PRKCI: variants seen among roughly 807,000 people sequenced by gnomAD.
PRKCI encodes the protein protein kinase C iota type.
Under a neutral mutation model 84.0 loss-of-function variants are expected in PRKCI, and 43 were observed. The ratio of observed to expected loss-of-function variants is 0.51; its 90% confidence interval spans 0.40 to 0.66. The LOEUF is 0.66. Among genes scored for constraint, PRKCI ranks in the 30% least tolerant of loss-of-function variants. The pLI is 0.00. For missense variants in PRKCI, 459 were observed against 745.6 expected (o/e 0.62, Z 4.48); for synonymous variants, 216 against 234.4 (o/e 0.92, Z 0.72).
chr3:170,255,119 G>T (rs1204133819), intron 2 of PRKCI, among the ~76,000 whole-genome samples: 2 of 144,282 alleles, frequency 1.4e-5, no homozygotes, highest in African/African-American at 5.2e-5. Context: ...GGAGTGCAAT[G>T]GCACGATCTC....
intron 7 of PRKCI, among the ~76,000 whole-genome samples, chr3:170,275,002 T>A (rs1023144709): frequency 1.3e-5 from 2 of 152,192 alleles, no homozygotes; most frequent in African/African-American, 4.8e-5. Context: ...GTTGTGATGC[T>A]TGCTCTCTTT....
chr3:170,305,851 A>C lies in PRKCI; in HGVS notation c.*2724A>C, dbSNP rs1486435725. On this transcript the variant is annotated 3_prime_UTR_variant, in exon 18 of 18. Coordinates refer to ENST00000295797, the MANE Select transcript of PRKCI (RefSeq NM_002740.6). ...GTAAATGCTTGTTCAGTGCCGGTAC[A>C]TTTACTTAAATCTGTTTTTATTTTT... 1 of 150,970 alleles carries C rather than the reference A, an allele frequency of 6.6e-6. No homozygotes were observed. The highest frequency in any genetic ancestry group is 6.6e-5 in the Admixed American group (1 of 15,182). 9.4% of individuals were successfully genotyped at this position (150,970 alleles called of 1,614,324 possible). A position where few individuals can be genotyped will look rare whatever the true frequency, so the allele number is the denominator to read the frequency against.
At chr3:170,267,803 G>A (rs983322959) in intron 4 of PRKCI, 112 bp from the exon 5 acceptor site, 16 of 655,676 alleles carry the variant, frequency 2.4e-5, no homozygotes, top group Non-Finnish European at 3.6e-5. Flanking sequence ...GTTTTTATCA[G>A]TATTTTTTTT....
chr3:170,269,367 A>G (rs1014014977), intron 5 of PRKCI, among the ~76,000 whole-genome samples: 3 of 152,194 alleles, frequency 2.0e-5, no homozygotes, highest in African/African-American at 4.8e-5. Context: ...ACTGACATTT[A>G]AGAAGGCTTT....
chr3:170,271,210 A>G lies in PRKCI; in HGVS notation c.591+649A>G, dbSNP rs1312571486. 8.5e-5 allele frequency among the ~76,000 whole-genome samples: 13 copies of G among 152,294 alleles called. No individual in the cohort carries two copies. In the East Asian group the frequency reaches 2.5e-3, roughly 29 times the overall value. ...CCATATGGAAAAAATGTAAACATGT[A>G]TAAGAGTAGGTGGAACACTATAATG... On this transcript the variant is annotated intron_variant, in intron 6 of 17. Transcript: ENST00000295797.
At chr3:170,244,731 C>A (rs774207870) in intron 2 of PRKCI, 5 of 152,058 alleles carry the variant, frequency 3.3e-5, no homozygotes, top group African/African-American at 1.2e-4. Context: ...ATTACTCACC[C>A]CCCAATGGGG....
chr3:170,226,491 C>T (rs758759962), intron 1 of PRKCI, among the ~76,000 whole-genome samples: 2 of 152,184 alleles, frequency 1.3e-5, no homozygotes, highest in Non-Finnish European at 2.9e-5. Context: ...AACATCTGGA[C>T]TGCTCATTTC....
intron 1 of PRKCI, among the ~76,000 whole-genome samples, chr3:170,230,081 A>C (rs1732745482): frequency 6.6e-6 from 1 of 151,212 alleles, no homozygotes; most frequent in Non-Finnish European, 1.5e-5. Context: ...CTTTTTAAAA[A>C]TTTCCTTGAT....
chr3:170,281,064 C>G (rs554234345), intron 9 of PRKCI, 102 bp from the exon 10 acceptor site: 2 of 845,736 alleles, frequency 2.4e-6, no homozygotes, highest in East Asian at 5.1e-5. Flanking sequence ...TGATATTTAG[C>G]CTAGTTAACC....
chr3:170,252,843 G>C (rs1733489027), intron 2 of PRKCI, among the ~76,000 whole-genome samples: 1 of 151,974 alleles, frequency 6.6e-6, no homozygotes, highest in African/African-American at 2.4e-5. Flanking sequence ...CTCATTCTGT[G>C]TGAGTATAGT....
At chr3:170,282,561 G>C (rs1734273837) in intron 11 of PRKCI, among the ~76,000 whole-genome samples, 1 of 151,812 alleles carries the variant, frequency 6.6e-6, no homozygotes, top group Admixed American at 6.6e-5. Context: ...GCTGGTCGTG[G>C]TGGCGGGTGC....
At chr3:170,242,817 C>T (rs1430445251) in intron 2 of PRKCI, among the ~76,000 whole-genome samples, 5 of 151,762 alleles carry the variant, frequency 3.3e-5, no homozygotes, top group African/African-American at 9.7e-5. Flanking sequence ...ATTACAGACA[C>T]CTGCCACCAT....
At chr3:170,263,468 C>T (rs1219520491) in intron 4 of PRKCI, 39 bp downstream of exon 4, 1 of 1,495,712 alleles carries the variant, frequency 6.7e-7, no homozygotes. Flanking sequence ...ACAAGAGTTA[C>T]TATGCTATGG....
intron 4 of PRKCI, among the ~76,000 whole-genome samples, chr3:170,264,083 T>A (rs941736780): frequency 3.9e-5 from 6 of 152,196 alleles, no homozygotes; most frequent in Non-Finnish European, 5.9e-5. Context: ...ATTTACCAAT[T>A]TTTAACGTTT....
Position 170,303,371 on chromosome 3 carries a change from G to GGCCTAC in PRKCI, c.*245_*250dup, listed in dbSNP as rs1468032767. 1 of 335,458 alleles carries GGCCTAC rather than the reference G, an allele frequency of 3.0e-6. No individual in the cohort carries two copies. Among genetic ancestry groups the GGCCTAC allele is most frequent in the Non-Finnish European group, 5.3e-6 (1 of 187,634 alleles). 20.8% of individuals were successfully genotyped at this position (335,458 alleles called of 1,614,324 possible). A position where few individuals can be genotyped will look rare whatever the true frequency, so the allele number is the denominator to read the frequency against. On this transcript the variant is annotated 3_prime_UTR_variant, in exon 18 of 18. Coordinates refer to ENST00000295797, the MANE Select transcript of PRKCI (RefSeq NM_002740.6). ...TGAACTGGTTTTTCAGTTTTTAAAA[G>GGCCTAC]GCCTACAGATGAGTAATGAAGTTAT...
intron 16 of PRKCI, among the ~76,000 whole-genome samples, chr3:170,298,685 C>T (rs904969154): frequency 1.1e-4 from 17 of 152,108 alleles, no homozygotes; most frequent in African/African-American, 4.1e-4. Flanking sequence ...GGATTACAGG[C>T]GTGAGCCACT....
intron 2 of PRKCI, among the ~76,000 whole-genome samples, chr3:170,249,965 A>G (rs2650231): frequency 0.025 from 3,748 of 152,186 alleles, 64 homozygotes; most frequent in Non-Finnish European, 0.041. Flanking sequence ...TTTGCAGGCA[A>G]ACTTACTTTT....
intron 2 of PRKCI, among the ~76,000 whole-genome samples, chr3:170,256,630 G>C (rs887164973): frequency 2.6e-5 from 4 of 152,024 alleles, no homozygotes; most frequent in Non-Finnish European, 5.9e-5. Flanking sequence ...TTTACATTTT[G>C]TTGATCTTTT....
chr3:170,233,026 T>TG (rs139096872), intron 1 of PRKCI, among the ~76,000 whole-genome samples: 2,392 of 152,126 alleles, frequency 0.016, 41 homozygotes, highest in East Asian at 0.085. Context: ...ATTAATAATT[T>TG]GGGGGGTGAT....
Sources: allele counts gnomAD v4.1 joint callset (sites outside exome capture counted in the v4.1 genomes callset), GRCh38; gene constraint gnomAD v4.1.1; transcripts MANE v1.5; gene names NCBI Gene and HGNC (gene_info 2026-07-23, HGNC 2026-07-21).